PLD5: variants seen among roughly 807,000 people sequenced by gnomAD.
PLD5 encodes inactive phospholipase D5.
A neutral mutation model predicts 61.1 loss-of-function variants in PLD5; 36 were observed. The ratio of observed to expected loss-of-function variants is 0.59; its 90% CI spans 0.45 to 0.78. The LOEUF is 0.78. Ranked by LOEUF, PLD5 falls within the 30% of genes least tolerant of loss-of-function variation. The pLI, the probability that PLD5 is intolerant of heterozygous loss-of-function variation, is 0.00. For synonymous variants in PLD5, 243 were observed against 242.8 expected, an observed-to-expected ratio of 1.00 and a Z score of -0.01; for missense variants, 515 against 644.4, an observed-to-expected ratio of 0.80 and a Z score of 2.17.
chr1:242,179,242 TA>T (rs1403807904), intron 5 of PLD5, among the ~76,000 whole-genome samples: 5 of 152,046 alleles, frequency 3.3e-5, no homozygotes, highest in Non-Finnish European at 5.9e-5. Flanking sequence ...CTTAGCAAAA[TA>T]TCCCGTTATT....
chr1:242,323,633 C>T (rs866159895), intron 2 of PLD5, among the ~76,000 whole-genome samples: 6 of 152,190 alleles, frequency 3.9e-5, no homozygotes, highest in Admixed American at 6.5e-5. Context: ...CTCCAGTTCC[C>T]GAGCTGCATA....
intron 1 of PLD5, among the ~76,000 whole-genome samples, chr1:242,447,573 C>T (rs1666596376): frequency 6.6e-6 from 1 of 152,214 alleles, no homozygotes; most frequent in Admixed American, 6.5e-5. Flanking sequence ...GAAGAGCTCA[C>T]TTAGAACAAA....
chr1:242,320,653 G>A (rs1241031138), intron 2 of PLD5, among the ~76,000 whole-genome samples: 2 of 152,112 alleles, frequency 1.3e-5, no homozygotes, highest in African/African-American at 4.8e-5. Flanking sequence ...CTGAGCCTTT[G>A]AGACATGATA....
intron 8 of PLD5, 92 bp from the exon 9 acceptor site, chr1:242,100,874 C>T (rs546594509): frequency 1.3e-6 from 1 of 777,270 alleles, no homozygotes; most frequent in Non-Finnish European, 2.1e-6. Context: ...CAAATGTCAA[C>T]AATAGACCTC....
chr1:242,474,191 A>C (rs891057284), intron 1 of PLD5, among the ~76,000 whole-genome samples: 1 of 152,200 alleles, frequency 6.6e-6, no homozygotes, highest in South Asian at 2.1e-4. Context: ...GCAAAACCGC[A>C]ATTACTTTTG....
rs572123212 is a variant in PLD5, at chr1:242,399,943, T to C, written c.190-51701A>G. 2.6e-5 allele frequency among the ~76,000 whole-genome samples: 4 copies of C among 152,188 alleles called. No homozygotes were observed. The South Asian group carries it at 6.2e-4, about 24-fold the overall frequency. On this transcript the variant is annotated intron_variant, in intron 1 of 9. Transcript: ENST00000536534. ...CAGCACTTTGGGAGGCTGAGGATGG[T>C]GGATCACTTGAGGTCAGGAGTTCAA... is the stretch of plus-strand genomic sequence containing the variant.
chr1:242,134,231 T>C (rs946787371), intron 5 of PLD5, among the ~76,000 whole-genome samples: 2 of 152,142 alleles, frequency 1.3e-5, no homozygotes, highest in African/African-American at 4.8e-5. Context: ...TAGGAAGAGA[T>C]GAAATAATAG....
At chr1:242,152,015 T>C (rs1242745052) in intron 5 of PLD5, among the ~76,000 whole-genome samples, 1 of 147,684 alleles carries the variant, frequency 6.8e-6, no homozygotes, top group Non-Finnish European at 1.5e-5. Flanking sequence ...ATGTAGAACT[T>C]TTTTTTTTTT....
At position 242,241,869 on chromosome 1, in the gene PLD5, CTATATATATATATATA is replaced by C. The variant is rs752113161; in HGVS notation, c.608-21770_608-21755del. Among the ~76,000 whole-genome samples, 241 of 70,852 alleles carry C rather than the reference CTATATATATATATATA, an allele frequency of 3.4e-3. 2 individuals are homozygous for C. The highest frequency in any genetic ancestry group is 0.01 in the African/African-American group (157 of 15,640). 46.5% of individuals were successfully genotyped at this position (70,852 alleles called of 152,430 possible). The stretch of plus-strand genomic sequence containing the variant: ...AAGAAGAAAGAACTTGCTTTACTTA[CTATATATATATATATA>C]TATATATATATATATATATATATAT... On this transcript the variant is annotated intron_variant, in intron 4 of 9. Coordinates refer to ENST00000536534, the MANE Select transcript of PLD5 (RefSeq NM_001372062.1).
At chr1:242,218,512 G>A (rs1208376471) in intron 5 of PLD5, among the ~76,000 whole-genome samples, 2 of 152,174 alleles carry the variant, frequency 1.3e-5, no homozygotes, top group Admixed American at 6.5e-5. Flanking sequence ...CAGAGCTCAA[G>A]TATTGAGCAA....
intron 9 of PLD5, 144 bp from the exon 10 acceptor site, chr1:242,090,254 G>GA (rs1054949656): frequency 7.2e-4 from 761 of 1,062,250 alleles, no homozygotes; most frequent in South Asian, 8.8e-4. Context: ...TGACAGCTCC[G>GA]AAAAAAAAAT....
chr1:242,439,262 T>G (rs1666159892), intron 1 of PLD5, among the ~76,000 whole-genome samples: 1 of 152,194 alleles, frequency 6.6e-6, no homozygotes, highest in Non-Finnish European at 1.5e-5. Context: ...GAAGGGGGCT[T>G]TGTTCAACAA....
At chr1:242,273,271 G>A (rs1165636448) in intron 3 of PLD5, among the ~76,000 whole-genome samples, 1 of 151,678 alleles carries the variant, frequency 6.6e-6, no homozygotes, top group Non-Finnish European at 1.5e-5. Flanking sequence ...CTTTTTTATG[G>A]CTGCATAGTA....
intron 4 of PLD5, among the ~76,000 whole-genome samples, chr1:242,242,122 C>T (rs427565): frequency 0.16 from 23,518 of 150,330 alleles, 2,306 homozygotes; most frequent in Non-Finnish European, 0.23. Flanking sequence ...AAGTCATTTC[C>T]GTCAGTACCT....
intron 1 of PLD5, among the ~76,000 whole-genome samples, chr1:242,503,692 G>A (rs1237205225): frequency 6.6e-6 from 1 of 152,178 alleles, no homozygotes; most frequent in Non-Finnish European, 1.5e-5. Context: ...GCCAATGATG[G>A]TGAGTGCAAT....
intron 5 of PLD5, among the ~76,000 whole-genome samples, chr1:242,199,970 T>C (rs941150527): frequency 3.9e-5 from 6 of 152,222 alleles, no homozygotes; most frequent in African/African-American, 1.4e-4. Context: ...TGAATACTGC[T>C]TGAGTGCTGC....
chr1:242,174,161 C>T (rs1486442517), intron 5 of PLD5, among the ~76,000 whole-genome samples: 4 of 152,054 alleles, frequency 2.6e-5, no homozygotes, highest in East Asian at 1.9e-4. Context: ...TGACAAAGGG[C>T]TAATATCCAG....
intron 6 of PLD5, among the ~76,000 whole-genome samples, chr1:242,120,401 C>G (rs982384982): frequency 2.0e-5 from 3 of 152,116 alleles, no homozygotes; most frequent in African/African-American, 7.2e-5. Flanking sequence ...GATCAGCCAG[C>G]TTTGGCCTCT....
chr1:242,224,902 T>C (rs575082930), intron 4 of PLD5, among the ~76,000 whole-genome samples: 28 of 152,320 alleles, frequency 1.8e-4, no homozygotes, highest in Non-Finnish European at 3.2e-4. Flanking sequence ...GAGAGTCGTG[T>C]GACCATCACC....
Sources: allele counts gnomAD v4.1 joint callset (sites outside exome capture counted in the v4.1 genomes callset), GRCh38; gene constraint gnomAD v4.1.1; transcripts MANE v1.5; gene names NCBI Gene and HGNC (gene_info 2026-07-23, HGNC 2026-07-21).